The following RIT2 variants were observed in gnomAD, a reference collection of about 807,000 sequenced individuals.
RIT2 encodes the protein Ras like without CAAX 2, also known as GTP-binding protein Rit2.
RIT2 carries 24 observed loss-of-function variants against 23.7 expected under a neutral mutation model. The ratio of observed to expected loss-of-function variants is 1.01; its 90% CI spans 0.73 to 1.43. The LOEUF (loss-of-function observed/expected upper bound fraction) is 1.43, where lower values mean the gene tolerates loss of function less well. RIT2 is among the 40% of genes most tolerant of loss of function. RIT2 has a pLI of 0.00. For synonymous variants in RIT2, 107 were observed against 91.1 expected (o/e 1.17, Z -0.99); for missense variants, 236 against 266.9 (o/e 0.88, Z 0.81).
chr18:42,877,968 C>G (rs1907787736), intron 4 of RIT2, among the ~76,000 whole-genome samples: 1 of 151,636 alleles, frequency 6.6e-6, no homozygotes, highest in South Asian at 2.1e-4. Flanking sequence ...CGGTCTCATT[C>G]CCAAGATACC....
intron 2 of RIT2, among the ~76,000 whole-genome samples, chr18:43,003,473 T>G (rs1911154036): frequency 6.6e-6 from 1 of 151,918 alleles, no homozygotes; most frequent in Non-Finnish European, 1.5e-5. Flanking sequence ...GAAGAAAGCC[T>G]CTTATATGAA....
intron 4 of RIT2, among the ~76,000 whole-genome samples, chr18:42,842,639 A>C (rs1488755532): frequency 6.6e-6 from 1 of 152,140 alleles, no homozygotes; most frequent in Non-Finnish European, 1.5e-5. Context: ...AGTTTATTAC[A>C]GATTGAGCAT....
At chr18:43,032,070 G>A (rs773799490) in intron 2 of RIT2, among the ~76,000 whole-genome samples, 1 of 151,894 alleles carries the variant, frequency 6.6e-6, no homozygotes. Context: ...TAGGAAAATC[G>A]GATCAAAAGT....
intron 1 of RIT2, among the ~76,000 whole-genome samples, chr18:43,061,122 A>T (rs79192470): frequency 0.016 from 2,409 of 152,206 alleles, 70 homozygotes; most frequent in African/African-American, 0.054. Flanking sequence ...CTGATAAATG[A>T]TCAAGACAGA....
intron 4 of RIT2, among the ~76,000 whole-genome samples, chr18:42,905,332 T>A (rs1382339824): frequency 6.6e-6 from 1 of 152,192 alleles, no homozygotes; most frequent in Non-Finnish European, 1.5e-5. Context: ...GGTAAATACA[T>A]CTATATGGAT....
intron 4 of RIT2, among the ~76,000 whole-genome samples, chr18:42,918,014 A>T (rs1460697244): frequency 1.3e-5 from 2 of 152,128 alleles, no homozygotes; most frequent in Non-Finnish European, 2.9e-5. Flanking sequence ...ATGCATGCAT[A>T]TTTGAATGTG....
chr18:42,971,683 G>A (rs1449563606), intron 3 of RIT2, among the ~76,000 whole-genome samples: 2 of 152,020 alleles, frequency 1.3e-5, no homozygotes, highest in Non-Finnish European at 1.5e-5. Flanking sequence ...TGTTCCATGT[G>A]TGGGTAGACT....
intron 1 of RIT2, among the ~76,000 whole-genome samples, chr18:43,071,969 TTTGTTG>T (rs148927597): frequency 0.16 from 24,014 of 151,366 alleles, 1,982 homozygotes; most frequent in South Asian, 0.2. Flanking sequence ...CCTCTAGTGT[TTTGTTG>T]TTGTTGTTGT....
Position 42,893,571 on chromosome 18 carries a change from C to T in RIT2, c.426+30001G>A, listed in dbSNP as rs535632523. ...TACTTTTGCATTGGAGGTTAGATTT[C>T]AATAGATATTTTGGGGGGACACAAA... On this transcript the variant is annotated intron_variant, in intron 4 of 4. Transcript: ENST00000326695. 7.9e-5 allele frequency among the ~76,000 whole-genome samples: 12 copies of T among 152,266 alleles called. No individual in the cohort carries two copies. The South Asian group carries it at 8.3e-4, about 11-fold the overall frequency.
intron 2 of RIT2, among the ~76,000 whole-genome samples, chr18:42,996,232 G>A (rs1045253937): frequency 2.0e-5 from 3 of 152,012 alleles, no homozygotes; most frequent in Non-Finnish European, 4.4e-5. Context: ...TCTTCCTTCA[G>A]CTTAATCTCT....
rs544616876 is a variant in RIT2 at position 42,879,979 on chromosome 18, C to T, written c.426+43593G>A. On this transcript the variant is annotated intron_variant, in intron 4 of 4. Transcript: ENST00000326695. ...TCTGACTGCTAGATTTCTGGGAGTT[C>T]AGTGAAAGAAGAGGGCTAGCTTGTA... Among the ~76,000 whole-genome samples the T allele has an allele frequency of 4.6e-5, 7 of 152,230 alleles. No homozygotes were observed. The South Asian group carries it at 1.2e-3, about 27-fold the overall frequency.
intron 3 of RIT2, among the ~76,000 whole-genome samples, chr18:42,943,802 T>A (rs1303058318): frequency 6.6e-6 from 1 of 152,176 alleles, no homozygotes; most frequent in African/African-American, 2.4e-5. Context: ...AGGTGAGGAC[T>A]TACTGTACTT....
At position 42,857,316 on chromosome 18, in the gene RIT2, A is replaced by G. The variant is rs74880343; in HGVS notation, c.426+66256T>C. On this transcript the variant is annotated intron_variant, in intron 4 of 4. Coordinates refer to ENST00000326695, the MANE Select transcript of RIT2 (RefSeq NM_002930.4). ...TCTCTAAGATCCCACTTCAAATTCT[A>G]TAAATCTTCATCTAACTCTTTTTTC... is the stretch of plus-strand genomic sequence containing the variant. 3.4e-3 allele frequency among the ~76,000 whole-genome samples: 511 copies of G among 152,348 alleles called. 1 individual carries two copies. The highest frequency in any genetic ancestry group is 3.8e-3 in the Non-Finnish European group (260 of 68,040).
chr18:42,797,069 A>G (rs1905386813), intron 4 of RIT2, among the ~76,000 whole-genome samples: 1 of 152,158 alleles, frequency 6.6e-6, no homozygotes, highest in Admixed American at 6.5e-5. Flanking sequence ...AGAGAATTAA[A>G]TAAAATAAAC....
chr18:43,017,080 G>A (rs571412585), intron 2 of RIT2, among the ~76,000 whole-genome samples: 19 of 152,030 alleles, frequency 1.2e-4, no homozygotes, highest in African/African-American at 4.6e-4. Context: ...CTAGGTAAAT[G>A]TGTCTAAATT....
intron 4 of RIT2, among the ~76,000 whole-genome samples, chr18:42,911,670 CTCA>C (rs1224722919): frequency 6.6e-6 from 1 of 151,902 alleles, no homozygotes; most frequent in Non-Finnish European, 1.5e-5. Context: ...TAACTTTACA[CTCA>C]TCAGTTCAGT....
chr18:43,086,460 G>A (rs1405978994), intron 1 of RIT2, among the ~76,000 whole-genome samples: 1 of 152,146 alleles, frequency 6.6e-6, no homozygotes. Context: ...AAAAGAAACA[G>A]TGCTTTTAGA....
At chr18:42,887,053 A>C (rs1043545232) in intron 4 of RIT2, among the ~76,000 whole-genome samples, 5 of 152,160 alleles carry the variant, frequency 3.3e-5, no homozygotes, top group African/African-American at 1.2e-4. Flanking sequence ...AACAAAATAA[A>C]ATATTTGTTT....
chr18:42,907,954 G>A (rs1317481759), intron 4 of RIT2, among the ~76,000 whole-genome samples: 1 of 151,488 alleles, frequency 6.6e-6, no homozygotes, highest in Non-Finnish European at 1.5e-5. Flanking sequence ...ACTCCAGCGT[G>A]GGTGACAGAG....
Sources: allele counts gnomAD v4.1 joint callset (sites outside exome capture counted in the v4.1 genomes callset), GRCh38; gene constraint gnomAD v4.1.1; transcripts MANE v1.5; gene names NCBI Gene and HGNC (gene_info 2026-07-23, HGNC 2026-07-21).